Variants in RANBP2 observed in about 807,000 individuals in gnomAD.
RANBP2 encodes the protein E3 SUMO-protein ligase RanBP2.
In RANBP2, 57 loss-of-function variants were observed where a neutral mutation model predicts 303.6. That is an observed-to-expected ratio of 0.19 (90% CI 0.15 to 0.23). RANBP2 has a LOEUF of 0.23. Among genes scored for constraint, RANBP2 ranks in the 10% least tolerant of loss-of-function variants. The probability of loss-of-function intolerance (pLI) is 1.00; values close to 1 mark genes in which losing one functional copy is unlikely to be tolerated. For missense variants in RANBP2, 3,138 were observed against 3,780.8 expected (o/e 0.83, Z 4.46); for synonymous variants, 1,167 against 1,301.5 (o/e 0.90, Z 2.23).
chr2:109,033,777 A>AC, the RANBP2 span, among the ~76,000 whole-genome samples: 1 of 150,688 alleles, frequency 6.6e-6, no homozygotes, highest in Admixed American at 6.6e-5. Context: ...ACATGGTGAA[A>AC]CCCCGTCTCT....
the RANBP2 span, among the ~76,000 whole-genome samples, chr2:109,519,374 C>T: frequency 6.6e-6 from 1 of 152,202 alleles, no homozygotes; most frequent in Non-Finnish European, 1.5e-5. Context: ...CATTTCAACA[C>T]GAGATTTGGG....
the RANBP2 span, among the ~76,000 whole-genome samples, chr2:109,322,847 G>A: frequency 6.6e-6 from 1 of 152,314 alleles, no homozygotes; most frequent in Admixed American, 6.5e-5. Flanking sequence ...TGGGCAGACA[G>A]CTTTATTGCT....
chr2:108,720,073 T>C, intron 1 of RANBP2: 4 of 984,500 alleles, frequency 4.1e-6, no homozygotes, highest in Non-Finnish European at 4.8e-6. Context: ...GGACATATAC[T>C]TTATATGCTG....
At chr2:109,486,904 C>A in the RANBP2 span, among the ~76,000 whole-genome samples, 1 of 152,190 alleles carries the variant, frequency 6.6e-6, no homozygotes, top group Non-Finnish European at 1.5e-5. Context: ...GCAAACGAGA[C>A]GTTTTGTTCC....
chr2:108,834,363 C>A, the RANBP2 span, among the ~76,000 whole-genome samples: 1 of 151,992 alleles, frequency 6.6e-6, no homozygotes. Context: ...CAGGTGCCCA[C>A]CACTCCCAGC....
At chr2:108,762,834 T>A (rs1420025926) in intron 19 of RANBP2, among the ~76,000 whole-genome samples, 1 of 151,928 alleles carries the variant, frequency 6.6e-6, no homozygotes, top group African/African-American at 2.4e-5. Context: ...ATCATTAACA[T>A]CATTTGATAA....
At chr2:109,320,209 T>C in the RANBP2 span, among the ~76,000 whole-genome samples, 1,163 of 152,236 alleles carry the variant, frequency 7.6e-3, 15 homozygotes, top group African/African-American at 0.026. Context: ...GCTCGGCTCA[T>C]TGACTCTAAT....
At chr2:109,058,305 G>T in the RANBP2 span, among the ~76,000 whole-genome samples, 2 of 152,162 alleles carry the variant, frequency 1.3e-5, no homozygotes, top group Non-Finnish European at 2.9e-5. Context: ...AGCCAGCTAC[G>T]CCTGGACTGG....
the RANBP2 span, among the ~76,000 whole-genome samples, chr2:109,186,421 G>T: frequency 1.3e-5 from 2 of 152,252 alleles, no homozygotes; most frequent in African/African-American, 4.8e-5. Flanking sequence ...AACCTGGGGA[G>T]TGAGGCTTTA....
chr2:109,250,772 A>G, the RANBP2 span, among the ~76,000 whole-genome samples: 4 of 151,014 alleles, frequency 2.6e-5, no homozygotes, highest in African/African-American at 9.7e-5. Context: ...GCTATTTTAG[A>G]AAAAAAAAGT....
chr2:109,309,305 C>G, the RANBP2 span, among the ~76,000 whole-genome samples: 1 of 149,920 alleles, frequency 6.7e-6, no homozygotes. Flanking sequence ...AGTTGCTTAT[C>G]AGCTTAAGGA....
chr2:108,930,996 A>T, the RANBP2 span: 3 of 1,613,992 alleles, frequency 1.9e-6, no homozygotes, highest in Non-Finnish European at 2.5e-6. Context: ...GTCTGCGTGC[A>T]GTCCCCCACA....
the RANBP2 span, among the ~76,000 whole-genome samples, chr2:109,232,980 GT>G: frequency 6.6e-6 from 1 of 152,128 alleles, no homozygotes; most frequent in Non-Finnish European, 1.5e-5. Context: ...CGATAGGGGT[GT>G]GGCTTGCTTA....
At chr2:109,662,457 T>G in the RANBP2 span, among the ~76,000 whole-genome samples, 1 of 152,026 alleles carries the variant, frequency 6.6e-6, no homozygotes, top group Non-Finnish European at 1.5e-5. Context: ...TGGCTAATTT[T>G]TGTATTTTTA....
chr2:108,720,502 G>C (rs1694151208), intron 1 of RANBP2, among the ~76,000 whole-genome samples: 1 of 152,148 alleles, frequency 6.6e-6, no homozygotes, highest in Non-Finnish European at 1.5e-5. Flanking sequence ...TTAGTAATTG[G>C]ATCTAAAGAG....
chr2:109,607,668 G>GT, the RANBP2 span, among the ~76,000 whole-genome samples: 2 of 151,990 alleles, frequency 1.3e-5, no homozygotes, highest in Non-Finnish European at 2.9e-5. Context: ...TCCTGAGGGG[G>GT]TAATAATGAA....
At chr2:108,914,719 T>C in the RANBP2 span, among the ~76,000 whole-genome samples, 1 of 152,218 alleles carries the variant, frequency 6.6e-6, no homozygotes, top group Non-Finnish European at 1.5e-5. Context: ...CTTTTGTCTC[T>C]ACCAGTTCTG....
At chr2:109,607,965 G>C in the RANBP2 span, among the ~76,000 whole-genome samples, 1 of 152,182 alleles carries the variant, frequency 6.6e-6, no homozygotes, top group African/African-American at 2.4e-5. Context: ...GATTATGCTG[G>C]AGATGGGGAA....
chr2:109,691,495 C>T, the RANBP2 span, among the ~76,000 whole-genome samples: 2 of 152,098 alleles, frequency 1.3e-5, no homozygotes, highest in Non-Finnish European at 2.9e-5. Flanking sequence ...CAGGACTACC[C>T]TGCACTTGGC....
Sources: gnomAD v4.1 joint callset for allele counts (sites outside exome capture counted in the v4.1 genomes callset) on GRCh38, gnomAD v4.1.1 for gene constraint, MANE v1.5 for transcripts, NCBI Gene and HGNC (gene_info 2026-07-23, HGNC 2026-07-21) for gene names.